PIK3R1: variants seen among roughly 807,000 people sequenced by gnomAD.
PIK3R1 encodes the protein phosphoinositide-3-kinase regulatory subunit 1, also known as phosphatidylinositol 3-kinase regulatory subunit alpha.
Under a neutral mutation model 98.0 loss-of-function variants are expected in PIK3R1, and 29 were observed. The observed-to-expected ratio is 0.30, with a 90% CI of 0.22 to 0.40. The LOEUF is 0.40. Among genes scored for constraint, PIK3R1 ranks in the 10% least tolerant of loss-of-function variants. The pLI, the probability that PIK3R1 is intolerant of heterozygous loss-of-function variation, is 1.00. For synonymous variants in PIK3R1, 282 were observed against 311.8 expected, an observed-to-expected ratio of 0.90 and a Z score of 1.01; for missense variants, 596 against 872.7, an observed-to-expected ratio of 0.68 and a Z score of 3.99.
chr5:68,278,493 T>A (rs1746674324), intron 4 of PIK3R1, among the ~76,000 whole-genome samples: 1 of 152,106 alleles, frequency 6.6e-6, no homozygotes, highest in South Asian at 2.1e-4. Flanking sequence ...CCTGTTGAGG[T>A]TTTAGGAAAC....
chr5:68,274,002 T>G lies in PIK3R1; in HGVS notation c.491T>G (p.Leu164Arg). The G allele has an allele frequency of 6.2e-7, 1 of 1,613,568 alleles. No homozygotes were observed. Among genetic ancestry groups the G allele is most frequent in the African/African-American group, 1.3e-5 (1 of 75,030 alleles). The stretch of plus-strand genomic sequence containing the variant: ...AGCAACCTGGCAGAATTACGACAGC[T>G]TCTTGATTGTGGTGAGTGTCACAGA... ...SSSNLAELRQ[L>R]LDCDTPSVDL... The change falls in exon 4 of 16, where the codon CTT (leucine) becomes CGT (arginine). Residue 164 changes from leucine to arginine, a missense_variant. Transcript: ENST00000521381.
chr5:68,225,429 G>C (rs1744236145), intron 1 of PIK3R1, among the ~76,000 whole-genome samples: 1 of 152,166 alleles, frequency 6.6e-6, no homozygotes, highest in African/African-American at 2.4e-5. Flanking sequence ...AGGTCACCTG[G>C]CTTCTCTTTG....
At chr5:68,242,032 C>T (rs1744890562) in intron 2 of PIK3R1, among the ~76,000 whole-genome samples, 1 of 152,212 alleles carries the variant, frequency 6.6e-6, no homozygotes, top group African/African-American at 2.4e-5. Context: ...TAAAATGCAT[C>T]AACTTCTTTC....
In PIK3R1 at chr5:68,293,961, A is replaced by T. The variant is rs1025582354; in HGVS notation, c.1425+127A>T. ...TGGGGGTGAGAGCATTTATTTGTGA[A>T]TCATTGTTGATTATTCTAGTGTAAT... On this transcript the variant is annotated intron_variant, in intron 11 of 15. Transcript: ENST00000521381. 1.1e-5 allele frequency: 8 copies of T among 721,510 alleles called. No homozygotes were observed. In the African/African-American group the frequency reaches 1.3e-4, roughly 12 times the overall value. 44.7% of individuals were successfully genotyped at this position (721,510 alleles called of 1,614,324 possible).
chr5:68,226,357 G>C lies in PIK3R1; in HGVS notation c.-319G>C. 1.1e-5 allele frequency: 5 copies of C among 445,786 alleles called. No individual in the cohort carries two copies. Among genetic ancestry groups the C allele is most frequent in the Non-Finnish European group, 2.0e-5 (5 of 252,942 alleles). The allele number at this position is 445,786 out of a possible 1,614,324, so 27.6% of individuals were successfully genotyped here. A position where few individuals can be genotyped will look rare whatever the true frequency, so the allele number is the denominator to read the frequency against. The stretch of plus-strand genomic sequence containing the variant: ...GATGGACAGTGTGACAAAAGTGTCA[G>C]AAAGGATTGGGCCTCGCTGTGAGAG... On this transcript the variant is annotated 5_prime_UTR_variant, in exon 2 of 16. Transcript: ENST00000521381.
chr5:68,283,491 T>A (rs1266245302), intron 7 of PIK3R1, among the ~76,000 whole-genome samples: 1 of 152,166 alleles, frequency 6.6e-6, no homozygotes, highest in Admixed American at 6.5e-5. Context: ...GAAATAGGGC[T>A]TGAAATGTGC....
At chr5:68,272,020 G>A (rs1335986312) in intron 2 of PIK3R1, among the ~76,000 whole-genome samples, 1 of 152,064 alleles carries the variant, frequency 6.6e-6, no homozygotes, top group Non-Finnish European at 1.5e-5. Context: ...AGAGATTGAG[G>A]TGGGTGGATT....
chr5:68,294,510 A>G lies in PIK3R1; in HGVS notation c.1426-26A>G, dbSNP rs757628130. On this transcript the variant is annotated intron_variant, in intron 11 of 15. Coordinates refer to ENST00000521381, the MANE Select transcript of PIK3R1 (RefSeq NM_181523.3). ...GAGATTGTTCTATGAAAGGTATGAC[A>G]TTATCTTTTTAAAATTATGTTGCAG... 13 of 1,572,572 alleles carry G rather than the reference A, an allele frequency of 8.3e-6. No homozygotes were observed. In the East Asian group the frequency reaches 2.9e-4, roughly 35 times the overall value.
At chr5:68,273,872 C>A (rs1746465463) in intron 3 of PIK3R1, 67 bp from the exon 4 acceptor site, 1 of 1,192,968 alleles carries the variant, frequency 8.4e-7, no homozygotes, top group Non-Finnish European at 1.3e-6. Flanking sequence ...TCTCTGGCAG[C>A]AGCCTCACAG....
chr5:68,271,929 CTT>C (rs1413150930), intron 2 of PIK3R1, among the ~76,000 whole-genome samples: 1 of 152,064 alleles, frequency 6.6e-6, no homozygotes, highest in East Asian at 1.9e-4. Context: ...TCTATGTTGA[CTT>C]TTAGTACTTG....
At chr5:68,268,965 T>C (rs900781218) in intron 2 of PIK3R1, among the ~76,000 whole-genome samples, 3 of 152,150 alleles carry the variant, frequency 2.0e-5, no homozygotes, top group South Asian at 2.1e-4. Context: ...TTCTATTCCA[T>C]GTGATTGGCT....
chr5:68,300,783 T>C lies in PIK3R1; in HGVS notation c.*3182T>C, dbSNP rs185744723. 5 of 233,306 alleles carry C rather than the reference T, an allele frequency of 2.1e-5. No individual in the cohort carries two copies. Among genetic ancestry groups the C allele is most frequent in the Non-Finnish European group, 4.2e-5 (5 of 118,048 alleles). The allele number at this position is 233,306 out of a possible 1,614,324, so 14.5% of individuals were successfully genotyped here. A position where few individuals can be genotyped will look rare whatever the true frequency, so the allele number is the denominator to read the frequency against. On this transcript the variant is annotated 3_prime_UTR_variant, in exon 16 of 16. Coordinates refer to ENST00000521381, the MANE Select transcript of PIK3R1 (RefSeq NM_181523.3). The stretch of plus-strand genomic sequence containing the variant: ...GGGATTTTTCCCTTTGAGGTTGCTT[T>C]GTTTTGTCTTACAAAGGTGAAAATT...
intron 2 of PIK3R1, among the ~76,000 whole-genome samples, chr5:68,234,665 C>G (rs182127319): frequency 6.6e-6 from 1 of 152,334 alleles, no homozygotes; most frequent in East Asian, 1.9e-4. Context: ...TAGCGCTAAA[C>G]TCGTTGACAT....
intron 2 of PIK3R1, among the ~76,000 whole-genome samples, chr5:68,227,582 T>C (rs1302595259): frequency 6.6e-6 from 1 of 152,128 alleles, no homozygotes; most frequent in Non-Finnish European, 1.5e-5. Flanking sequence ...CTAATATAAG[T>C]ATATTTAACA....
chr5:68,249,619 A>G (rs1745224814), intron 2 of PIK3R1, among the ~76,000 whole-genome samples: 1 of 152,214 alleles, frequency 6.6e-6, no homozygotes. Context: ...TCAACAAGCC[A>G]TTGTAGGAAT....
rs191369794 is a variant in PIK3R1 at position 68,262,502 on chromosome 5, C to T, written c.335-10888C>T. 5.3e-5 allele frequency among the ~76,000 whole-genome samples: 7 copies of T among 132,596 alleles called. No individual in the cohort carries two copies. In the East Asian group the frequency reaches 8.8e-4, roughly 17 times the overall value. 87.0% of individuals were successfully genotyped at this position (132,596 alleles called of 152,430 possible). On this transcript the variant is annotated intron_variant, in intron 2 of 15. Coordinates refer to ENST00000521381, the MANE Select transcript of PIK3R1 (RefSeq NM_181523.3). The stretch of plus-strand genomic sequence containing the variant: ...TATATATCTATATGTATACATATAT[C>T]TATATATGTATACATATAGATACAT...
intron 5 of PIK3R1, among the ~76,000 whole-genome samples, chr5:68,279,964 G>C (rs1158389227): frequency 6.6e-6 from 1 of 152,196 alleles, no homozygotes; most frequent in Non-Finnish European, 1.5e-5. Flanking sequence ...ATGGCTCATT[G>C]TTAACCTATT....
chr5:68,217,484 T>C (rs996496604), intron 1 of PIK3R1: 1 of 152,222 alleles, frequency 6.6e-6, no homozygotes, highest in African/African-American at 2.4e-5. Flanking sequence ...ACTCACTAGC[T>C]ATACAACTTT....
rs1745886681 is a variant in PIK3R1 at position 68,262,827 on chromosome 5, A to ATACATATATACATGTAGATACATG, written c.335-10563_335-10562insTACATATATACATGTAGATACATG. On this transcript the variant is annotated intron_variant, in intron 2 of 15. Coordinates refer to ENST00000521381, the MANE Select transcript of PIK3R1 (RefSeq NM_181523.3). ...TACATGTATACATGTAGATACATGT[A>ATACATATATACATGTAGATACATG]GATACATGTATACATGTAGATACAT... Among the ~76,000 whole-genome samples, 2 of 74,004 alleles carry ATACATATATACATGTAGATACATG rather than the reference A, an allele frequency of 2.7e-5. 1 individual carries two copies. Among genetic ancestry groups the ATACATATATACATGTAGATACATG allele is most frequent in the African/African-American group, 1.1e-4 (2 of 17,782 alleles). 48.5% of individuals were successfully genotyped at this position (74,004 alleles called of 152,430 possible). A position where few individuals can be genotyped will look rare whatever the true frequency, so the allele number is the denominator to read the frequency against.
Sources: gnomAD v4.1 joint callset for allele counts (sites outside exome capture counted in the v4.1 genomes callset) on GRCh38, gnomAD v4.1.1 for gene constraint, MANE v1.5 for transcripts, NCBI Gene and HGNC (gene_info 2026-07-23, HGNC 2026-07-21) for gene names.